PAK5: variants seen among roughly 807,000 people sequenced by gnomAD.
PAK5 encodes the protein p21 (RAC1) activated kinase 5.
Under a neutral mutation model 65.9 loss-of-function variants are expected in PAK5, and 16 were observed. The observed-to-expected ratio is 0.24, with a 90% CI of 0.16 to 0.37. The LOEUF (loss-of-function observed/expected upper bound fraction) is 0.37. Ranked by LOEUF, PAK5 falls within the 10% of genes least tolerant of loss-of-function variation. The pLI is 1.00. For synonymous variants in PAK5, 371 were observed against 354.9 expected (o/e 1.05, Z -0.51); for missense variants, 785 against 903.9 (o/e 0.87, Z 1.69).
intron 2 of PAK5, among the ~76,000 whole-genome samples, chr20:9,684,688 C>A (rs2047694779): frequency 6.6e-6 from 1 of 152,108 alleles, no homozygotes; most frequent in Non-Finnish European, 1.5e-5. Flanking sequence ...AAACTAATGA[C>A]CAAACTGATT....
At chr20:9,582,244 T>A (rs1222398804) in intron 3 of PAK5, among the ~76,000 whole-genome samples, 3 of 152,182 alleles carry the variant, frequency 2.0e-5, no homozygotes, top group African/African-American at 7.2e-5. Flanking sequence ...TAGAGTCCCA[T>A]CCAGGATAGT....
At chr20:9,680,583 C>T (rs1012751033) in intron 2 of PAK5, among the ~76,000 whole-genome samples, 2 of 152,180 alleles carry the variant, frequency 1.3e-5, no homozygotes, top group South Asian at 2.1e-4. Context: ...GAGTTGGGAA[C>T]TGTACCTGAC....
At chr20:9,633,249 G>A (rs1180123290) in intron 3 of PAK5, among the ~76,000 whole-genome samples, 1 of 152,104 alleles carries the variant, frequency 6.6e-6, no homozygotes, top group Non-Finnish European at 1.5e-5. Context: ...CACCCCACTG[G>A]CCATGTGAGT....
At position 9,700,385 on chromosome 20, in the gene PAK5, T is replaced by G. The variant is rs575335445; in HGVS notation, c.-12+10901A>C. On this transcript the variant is annotated intron_variant, in intron 2 of 9. Transcript: ENST00000353224. ...GTGACTGTGCCACTGCACTCCAGCC[T>G]GGGTGACAGAGTGAGACTCTATCTC... Among the ~76,000 whole-genome samples, 4 of 152,346 alleles carry G rather than the reference T, an allele frequency of 2.6e-5. No homozygotes were observed. The East Asian group carries it at 7.7e-4, about 29-fold the overall frequency.
intron 2 of PAK5, among the ~76,000 whole-genome samples, chr20:9,677,276 C>A (rs1416210525): frequency 6.6e-6 from 1 of 152,180 alleles, no homozygotes; most frequent in Admixed American, 6.5e-5. Context: ...TAATAGGATG[C>A]ATCACATTCA....
intron 3 of PAK5, among the ~76,000 whole-genome samples, chr20:9,623,341 C>A (rs1463479979): frequency 1.3e-5 from 2 of 151,646 alleles, no homozygotes; most frequent in African/African-American, 4.9e-5. Context: ...AGTGGAAACT[C>A]CAAGTTAATA....
In PAK5 at chr20:9,825,738, A is replaced by C. The variant is rs555220477; in HGVS notation, c.-162+13024T>G. 9.1e-4 allele frequency among the ~76,000 whole-genome samples: 139 copies of C among 152,328 alleles called. 2 individuals carry two copies. The highest frequency in any genetic ancestry group is 3.2e-3 in the African/African-American group (134 of 41,596). ...AAAATTCATACCAGCATAAAGTCTTACTTCTAAATTTTTTTTCTAGGATAA... is the reference window on the plus strand; with the variant it reads ...AAAATTCATACCAGCATAAAGTCTTCCTTCTAAATTTTTTTTCTAGGATAA... On this transcript the variant is annotated intron_variant, in intron 1 of 9. Transcript: ENST00000353224.
intron 3 of PAK5, among the ~76,000 whole-genome samples, chr20:9,585,224 A>G (rs1202503390): frequency 1.3e-5 from 2 of 152,138 alleles, no homozygotes; most frequent in Non-Finnish European, 2.9e-5. Context: ...CTCTGAATAC[A>G]CAAAATATTC....
chr20:9,731,466 T>A (rs533026522), intron 1 of PAK5, among the ~76,000 whole-genome samples: 15 of 152,230 alleles, frequency 9.9e-5, no homozygotes, highest in Non-Finnish European at 1.9e-4. Context: ...ACATTTCAAG[T>A]TCTCAGTAGC....
chr20:9,675,894 A>T (rs2047563802), intron 2 of PAK5, among the ~76,000 whole-genome samples: 1 of 125,726 alleles, frequency 8.0e-6, no homozygotes, highest in Non-Finnish European at 1.7e-5. Context: ...TTAATTTTTA[A>T]TTCTGTAACA....
chr20:9,555,317 C>G (rs1265437788), intron 7 of PAK5, among the ~76,000 whole-genome samples: 1 of 152,172 alleles, frequency 6.6e-6, no homozygotes, highest in African/African-American at 2.4e-5. Context: ...AGGTTCTGCT[C>G]TTGAGAATGA....
At chr20:9,743,099 G>A (rs1332327969) in intron 1 of PAK5, among the ~76,000 whole-genome samples, 1 of 152,130 alleles carries the variant, frequency 6.6e-6, no homozygotes, top group African/African-American at 2.4e-5. Context: ...CAGGCATGGT[G>A]GCTTATGCCT....
chr20:9,591,448 T>C (rs2046169329), intron 3 of PAK5, among the ~76,000 whole-genome samples: 2 of 152,072 alleles, frequency 1.3e-5, no homozygotes, highest in African/African-American at 4.8e-5. Context: ...ATATAAAATA[T>C]TTCCAGAAAC....
chr20:9,556,430 T>G (rs1440688161), intron 7 of PAK5, among the ~76,000 whole-genome samples: 2 of 152,230 alleles, frequency 1.3e-5, no homozygotes, highest in African/African-American at 4.8e-5. Context: ...CTGGCTGCCC[T>G]CTGATCATTC....
intron 1 of PAK5, among the ~76,000 whole-genome samples, chr20:9,776,801 C>T (rs1223714416): frequency 6.6e-6 from 1 of 152,180 alleles, no homozygotes; most frequent in Non-Finnish European, 1.5e-5. Flanking sequence ...TCCTTGACTA[C>T]AACCTCATAA....
At chr20:9,564,168 A>G (rs1219143712) in intron 5 of PAK5, among the ~76,000 whole-genome samples, 1 of 152,142 alleles carries the variant, frequency 6.6e-6, no homozygotes, top group Non-Finnish European at 1.5e-5. Flanking sequence ...TTTCCCCTCA[A>G]TGCTCTCATA....
intron 1 of PAK5, among the ~76,000 whole-genome samples, chr20:9,767,066 T>G (rs532365151): frequency 6.6e-6 from 1 of 152,294 alleles, no homozygotes; most frequent in East Asian, 1.9e-4. Flanking sequence ...ATTGACAGAC[T>G]GCGGGGAGCT....
intron 3 of PAK5, among the ~76,000 whole-genome samples, chr20:9,590,455 C>T (rs1403701891): frequency 1.3e-5 from 2 of 151,896 alleles, no homozygotes; most frequent in African/African-American, 4.8e-5. Flanking sequence ...GATTTGTGCA[C>T]CACAATGGTA....
intron 1 of PAK5, among the ~76,000 whole-genome samples, chr20:9,747,039 A>T (rs191890925): frequency 2.0e-5 from 3 of 152,344 alleles, no homozygotes; most frequent in Admixed American, 2.0e-4. Context: ...AATTACCATC[A>T]GAGAATACTA....
Sources: allele counts gnomAD v4.1 joint callset (sites outside exome capture counted in the v4.1 genomes callset), GRCh38; gene constraint gnomAD v4.1.1; transcripts MANE v1.5; gene names NCBI Gene and HGNC (gene_info 2026-07-23, HGNC 2026-07-21).